The following DNAI4 variants were observed in gnomAD, a reference collection of about 807,000 sequenced individuals.
DNAI4 encodes the protein dynein axonemal intermediate chain 4, also known as WD repeat domain 78.
In DNAI4, 85 loss-of-function variants were observed where a neutral mutation model predicts 105.8. The ratio of observed to expected loss-of-function variants is 0.80; its 90% CI spans 0.67 to 0.96. The LOEUF (loss-of-function observed/expected upper bound fraction) is 0.96, where lower values mean the gene tolerates loss of function less well. DNAI4 is among the 40% of genes least tolerant of loss of function. The pLI is 0.00. For missense variants in DNAI4, 1,014 were observed against 1,005.6 expected, an observed-to-expected ratio of 1.01 and a Z score of -0.11; for synonymous variants, 352 against 331.5, an observed-to-expected ratio of 1.06 and a Z score of -0.67.
At chr1:66,818,358 TACTTA>T (rs545501220) in intron 16 of DNAI4, among the ~76,000 whole-genome samples, 25 of 152,122 alleles carry the variant, frequency 1.6e-4, no homozygotes, top group African/African-American at 5.8e-4. Flanking sequence ...AAAATTGAAG[TACTTA>T]AAAGTCCAAT....
At chr1:66,818,337 T>C (rs1298176051) in intron 16 of DNAI4, among the ~76,000 whole-genome samples, 2 of 151,968 alleles carry the variant, frequency 1.3e-5, no homozygotes, top group Non-Finnish European at 2.9e-5. Flanking sequence ...TGAGACTTGT[T>C]TGTCCATAAG....
chr1:66,874,110 T>C (rs1646911356), intron 5 of DNAI4, among the ~76,000 whole-genome samples: 1 of 151,966 alleles, frequency 6.6e-6, no homozygotes, highest in Admixed American at 6.5e-5. Context: ...AGTAGCTATA[T>C]TAATTTTAGA....
intron 4 of DNAI4, among the ~76,000 whole-genome samples, chr1:66,876,573 G>C (rs773523316): frequency 6.6e-6 from 1 of 152,018 alleles, no homozygotes; most frequent in Non-Finnish European, 1.5e-5. Flanking sequence ...TGGCAAATAG[G>C]ATTTTTGCCT....
intron 8 of DNAI4, among the ~76,000 whole-genome samples, chr1:66,842,765 C>A (rs751989744): frequency 1.1e-4 from 17 of 152,142 alleles, no homozygotes; most frequent in Non-Finnish European, 1.8e-4. Flanking sequence ...TTGTGCATTC[C>A]CATCAGCATG....
chr1:66,914,351 TGTTA>T (rs1404314765), intron 1 of DNAI4, among the ~76,000 whole-genome samples: 1 of 152,216 alleles, frequency 6.6e-6, no homozygotes, highest in Non-Finnish European at 1.5e-5. Flanking sequence ...CTAAATCTGC[TGTTA>T]CTTTTCTGTT....
chr1:66,886,234 C>A (rs939910576), intron 4 of DNAI4, among the ~76,000 whole-genome samples: 1 of 152,152 alleles, frequency 6.6e-6, no homozygotes, highest in East Asian at 1.9e-4. Context: ...ACACACCTTG[C>A]ACATTGTATA....
At chr1:66,879,212 C>T (rs1015495657) in intron 4 of DNAI4, among the ~76,000 whole-genome samples, 3 of 152,100 alleles carry the variant, frequency 2.0e-5, no homozygotes, top group African/African-American at 4.8e-5. Flanking sequence ...GCCCTGCTAC[C>T]GACCATTGAT....
rs762350157 is a variant in DNAI4, at chr1:66,874,833, C to A, written c.748G>T (p.Asp250Tyr). 2 of 1,613,564 alleles carry A rather than the reference C, an allele frequency of 1.2e-6. No individual in the cohort carries two copies. The highest frequency in any genetic ancestry group is 1.7e-6 in the Non-Finnish European group (2 of 1,179,738). Residue 250 changes from aspartate (D) to tyrosine (Y), a missense_variant, in exon 5 of 17, where the codon GAC (aspartate) becomes TAC (tyrosine). Physicochemically the swap from Asp to Tyr is radical, Grantham distance 160. Transcript: ENST00000371026. Reference sequence around the variant, plus strand: ...ACAGAGACCATGACTGTGGGCAAGTCAAAAAATCTCAGTGTTTCTGTCTCT... The same window carrying A: ...ACAGAGACCATGACTGTGGGCAAGTAAAAAAATCTCAGTGTTTCTGTCTCT... ...LTETETLRFF[D>Y]LPTVMVSVES...
chr1:66,871,113 G>T (rs1283604709), intron 6 of DNAI4: 14 of 388,132 alleles, frequency 3.6e-5, no homozygotes, highest in Admixed American at 1.3e-4. Flanking sequence ...TTATATAAAC[G>T]TTTAAAGAGT....
intron 1 of DNAI4, among the ~76,000 whole-genome samples, chr1:66,911,476 T>C (rs1569877813): frequency 6.6e-6 from 1 of 152,278 alleles, no homozygotes; most frequent in Non-Finnish European, 1.5e-5. Flanking sequence ...GTTTGGTTGG[T>C]GAGGCTGAAG....
Position 66,890,635 on chromosome 1 carries a change from GGAA to G in DNAI4, c.643+516_643+518del, listed in dbSNP as rs572841340. On this transcript the variant is annotated intron_variant, in intron 4 of 16. Transcript: ENST00000371026. This position sits in a 1 kb window ranked among gnomAD's most constrained non-coding sequence, Gnocchi z 4.1. ...AAAGAGGAAAGAAGAAAGAAGAAGA[GGAA>G]GAAGAAGAAGAGGAAGAGGAGAAGG... 6.7e-4 allele frequency: 126 copies of G among 187,954 alleles called. No homozygotes were observed. Among genetic ancestry groups the G allele is most frequent in the Non-Finnish European group, 7.2e-4 (68 of 94,000 alleles). 11.6% of individuals were successfully genotyped at this position (187,954 alleles called of 1,614,324 possible). A position where few individuals can be genotyped will look rare whatever the true frequency, so the allele number is the denominator to read the frequency against.
At chr1:66,843,823 T>C (rs997715934) in intron 8 of DNAI4, among the ~76,000 whole-genome samples, 1 of 152,188 alleles carries the variant, frequency 6.6e-6, no homozygotes, top group Non-Finnish European at 1.5e-5. Flanking sequence ...TTTTGGCAGA[T>C]CTATTACTAG....
At chr1:66,869,180 A>G (rs1646791706) in intron 6 of DNAI4, among the ~76,000 whole-genome samples, 1 of 151,620 alleles carries the variant, frequency 6.6e-6, no homozygotes, top group Non-Finnish European at 1.5e-5. Context: ...ATACACATGA[A>G]TATTATAAAG....
At chr1:66,891,626 T>C (rs976002058) in intron 3 of DNAI4, among the ~76,000 whole-genome samples, 44 of 152,220 alleles carry the variant, frequency 2.9e-4, no homozygotes, top group African/African-American at 1.0e-3. Context: ...CACGTCCAGC[T>C]AATTTTTTTG....
At chr1:66,826,250 C>T (rs1346614180) in intron 15 of DNAI4, among the ~76,000 whole-genome samples, 2 of 150,744 alleles carry the variant, frequency 1.3e-5, no homozygotes, top group Non-Finnish European at 2.9e-5. Context: ...CTATTATATC[C>T]TATATCGTCC....
chr1:66,861,369 T>C (rs1312511958), intron 7 of DNAI4, among the ~76,000 whole-genome samples: 1 of 152,170 alleles, frequency 6.6e-6, no homozygotes, highest in Non-Finnish European at 1.5e-5. Flanking sequence ...AATATAATTT[T>C]GTAAGAAAAA....
At position 66,890,961 on chromosome 1, in the gene DNAI4, C is replaced by A; in HGVS notation, c.643+193G>T. ...CACAAAGCGCCATTGGTTCCTCAGG[C>A]TGATGATTCAAAACAGTCACCCAGG... is the stretch of plus-strand genomic sequence containing the variant. On this transcript the variant is annotated intron_variant, in intron 4 of 16. Coordinates refer to ENST00000371026, the MANE Select transcript of DNAI4 (RefSeq NM_024763.5). The surrounding 1 kb of genome is among the most constrained non-coding windows in gnomAD (Gnocchi z 4.1). 1.7e-6 allele frequency: 1 copy of A among 588,448 alleles called. No individual in the cohort carries two copies. The highest frequency in any genetic ancestry group is 2.0e-5 in the South Asian group (1 of 51,114). The allele number at this position is 588,448 out of a possible 1,614,324, so 36.5% of individuals were successfully genotyped here. A position where few individuals can be genotyped will look rare whatever the true frequency, so the allele number is the denominator to read the frequency against.
At chr1:66,871,713 ATC>A (rs1646850720) in intron 5 of DNAI4, among the ~76,000 whole-genome samples, 1 of 152,186 alleles carries the variant, frequency 6.6e-6, no homozygotes. Context: ...ATTTCCCAAC[ATC>A]CCTACTACTA....
chr1:66,835,575 T>G (rs758895404), intron 11 of DNAI4, 51 bp downstream of exon 11: 36 of 1,563,666 alleles, frequency 2.3e-5, no homozygotes, highest in Non-Finnish European at 3.1e-5. Flanking sequence ...TTAGAGTAAA[T>G]CCTCCTGAAA....
Sources: allele counts gnomAD v4.1 joint callset (sites outside exome capture counted in the v4.1 genomes callset), GRCh38; gene constraint gnomAD v4.1.1; non-coding constraint Gnocchi (gnomAD v3.1); transcripts MANE v1.5; gene names NCBI Gene and HGNC (gene_info 2026-07-23, HGNC 2026-07-21).